ACACA: variants seen among roughly 807,000 people sequenced by gnomAD.
ACACA encodes the protein acetyl-CoA carboxylase alpha.
In ACACA, 103 loss-of-function variants were observed where a neutral mutation model predicts 296.1. The observed-to-expected ratio is 0.35, with a 90% CI of 0.30 to 0.41. The LOEUF (loss-of-function observed/expected upper bound fraction) is 0.41. Among genes scored for constraint, ACACA ranks in the 10% least tolerant of loss-of-function variants. ACACA has a pLI of 1.00. For synonymous variants in ACACA, 953 were observed against 1,038.6 expected (o/e 0.92, Z 1.58); for missense variants, 1,554 against 2,989.7 (o/e 0.52, Z 11.20).
intron 52 of ACACA, among the ~76,000 whole-genome samples, chr17:37,101,241 T>C (rs73982225): frequency 0.025 from 3,840 of 152,256 alleles, 156 homozygotes; most frequent in African/African-American, 0.088. Context: ...ATAGGTGAAT[T>C]TGAGAAAAAA....
intron 3 of ACACA, among the ~76,000 whole-genome samples, chr17:37,302,340 G>C (rs559164623): frequency 1.3e-5 from 2 of 152,064 alleles, no homozygotes; most frequent in African/African-American, 2.4e-5. Flanking sequence ...CTCCCGAGTA[G>C]CTGGGATTAC....
At chr17:37,146,120 T>C (rs1381063158) in intron 45 of ACACA, among the ~76,000 whole-genome samples, 1 of 152,186 alleles carries the variant, frequency 6.6e-6, no homozygotes, top group African/African-American at 2.4e-5. Context: ...TTATTTTATA[T>C]GAAGGTTACT....
At chr17:37,397,946 G>T (rs1022789964) in intron 1 of ACACA, among the ~76,000 whole-genome samples, 3 of 151,986 alleles carry the variant, frequency 2.0e-5, no homozygotes, top group Non-Finnish European at 4.4e-5. Flanking sequence ...AATGTAAAAT[G>T]GGGGCTGGGC....
rs187112126 is a variant in ACACA at position 37,103,952 on chromosome 17, G to A, written c.6566-5968C>T. Among the ~76,000 whole-genome samples the A allele has an allele frequency of 4.1e-4, 62 of 152,334 alleles. 1 individual carries two copies. Among genetic ancestry groups the A allele is most frequent in the Middle Eastern group, 3.4e-3 (1 of 294 alleles). On this transcript the variant is annotated intron_variant, in intron 52 of 55. Transcript: ENST00000616317. Reference sequence around the variant, plus strand: ...AGAGATACTCTGGTGGCTGAGGCAGGAGGATCGCTGGAGCCCAGGAGTTCA... The same window carrying A: ...AGAGATACTCTGGTGGCTGAGGCAGAAGGATCGCTGGAGCCCAGGAGTTCA...
At chr17:37,241,871 G>T (rs2080427681) in intron 23 of ACACA, 82 bp downstream of exon 23, 1 of 1,101,706 alleles carries the variant, frequency 9.1e-7, no homozygotes. Context: ...TCAAATCTGA[G>T]GTAAATTTTT....
chr17:37,223,320 T>C (rs1256900156), intron 28 of ACACA, among the ~76,000 whole-genome samples, 192 bp downstream of exon 28: 1 of 152,172 alleles, frequency 6.6e-6, no homozygotes, highest in Non-Finnish European at 1.5e-5. Context: ...TAGAAGCTGG[T>C]GATGAGTTCA....
chr17:37,094,634 A>G (rs911923592), intron 54 of ACACA, among the ~76,000 whole-genome samples: 1 of 148,208 alleles, frequency 6.7e-6, no homozygotes, highest in African/African-American at 2.5e-5. Context: ...AGGCACACAG[A>G]TGGCTTTTGA....
intron 1 of ACACA, chr17:37,365,782 G>A (rs1465753462): frequency 2.5e-5 from 24 of 971,140 alleles, no homozygotes; most frequent in Non-Finnish European, 2.9e-5. Context: ...GCACAATGAA[G>A]GACAGCATGA....
chr17:37,342,372 C>T (rs866377467), intron 1 of ACACA, among the ~76,000 whole-genome samples: 14 of 124,016 alleles, frequency 1.1e-4, no homozygotes, highest in Middle Eastern at 6.6e-3. Flanking sequence ...TGCACCACTG[C>T]GCTCCAGGCT....
intron 42 of ACACA, among the ~76,000 whole-genome samples, chr17:37,157,911 A>G (rs576838049): frequency 5.3e-5 from 8 of 152,212 alleles, no homozygotes; most frequent in African/African-American, 1.9e-4. Context: ...AGGAAGACCA[A>G]TTAGGAGGGT....
At position 37,087,396 on chromosome 17, in the gene ACACA, G is replaced by GGAT; in HGVS notation, c.7069_7071dup (p.Ile2357dup). ...GTGGGTGATATGTGCTGCGTCATAT[G>GGAT]GATGATGGAATCCATGGCAACCTCT... is the stretch of plus-strand genomic sequence containing the variant. On this transcript the variant is annotated inframe_insertion, in exon 56 of 56. Coordinates refer to ENST00000616317, the MANE Select transcript of ACACA (RefSeq NM_198834.3). The GGAT allele has an allele frequency of 6.2e-7, 1 of 1,614,070 alleles. No homozygotes were observed. Among genetic ancestry groups the GGAT allele is most frequent in the Non-Finnish European group, 8.5e-7 (1 of 1,179,988 alleles).
At chr17:37,385,470 C>A (rs1363829087) in intron 1 of ACACA, among the ~76,000 whole-genome samples, 1 of 151,002 alleles carries the variant, frequency 6.6e-6, no homozygotes, top group African/African-American at 2.4e-5. Flanking sequence ...GGGACCCTGT[C>A]TTAAAAAAAA....
chr17:37,140,027 A>G (rs1327604159), intron 45 of ACACA, among the ~76,000 whole-genome samples: 5 of 152,240 alleles, frequency 3.3e-5, no homozygotes, highest in African/African-American at 1.2e-4. Context: ...ACTTTAGCCA[A>G]ATATAAAAAA....
chr17:37,125,494 T>A (rs1043148244), intron 48 of ACACA, among the ~76,000 whole-genome samples: 4 of 152,220 alleles, frequency 2.6e-5, no homozygotes, highest in Admixed American at 6.5e-5. Flanking sequence ...GCCTTCAGAT[T>A]AAACGCATCA....
chr17:37,336,078 C>A (rs2048103753), intron 2 of ACACA, among the ~76,000 whole-genome samples: 1 of 152,150 alleles, frequency 6.6e-6, no homozygotes, highest in South Asian at 2.1e-4. Flanking sequence ...GTATCTTTAA[C>A]CTCCTTGTTA....
At chr17:37,245,272 A>G in intron 19 of ACACA, 58 bp from the exon 20 acceptor site, 1 of 1,585,328 alleles carries the variant, frequency 6.3e-7, no homozygotes, top group Non-Finnish European at 8.6e-7. Context: ...ATGAGTGCTT[A>G]AAAGAACTAA....
Position 37,096,251 on chromosome 17 carries a change from C to T in ACACA, c.6891+745G>A, listed in dbSNP as rs142868577. On this transcript the variant is annotated intron_variant, in intron 54 of 55. Transcript: ENST00000616317. ...CTTAAAATACCTGAGTGGTTTCCGA[C>T]AGGCCTCAGGACAAAGTCCAAACTC... Among the ~76,000 whole-genome samples the T allele has an allele frequency of 2.4e-4, 36 of 152,314 alleles. No homozygotes were observed. In the East Asian group the frequency reaches 6.9e-3, roughly 29 times the overall value.
At chr17:37,342,458 T>C (rs7215677) in intron 1 of ACACA, among the ~76,000 whole-genome samples, 1,847 of 98,358 alleles carry the variant, frequency 0.019, 27 homozygotes, top group Middle Eastern at 0.073. Flanking sequence ...TATATATATA[T>C]ACACACACAC....
At chr17:37,206,348 A>C (rs1327261491) in intron 32 of ACACA, among the ~76,000 whole-genome samples, 2 of 152,252 alleles carry the variant, frequency 1.3e-5, no homozygotes, top group Non-Finnish European at 2.9e-5. Context: ...CTGATAAATA[A>C]AAAGAAATGA....
Sources: gnomAD v4.1 joint callset for allele counts (sites outside exome capture counted in the v4.1 genomes callset) on GRCh38, gnomAD v4.1.1 for gene constraint, MANE v1.5 for transcripts, NCBI Gene and HGNC (gene_info 2026-07-23, HGNC 2026-07-21) for gene names.